The following KCNAB1 variants were observed in gnomAD, a reference collection of about 807,000 sequenced individuals.
KCNAB1 encodes the protein potassium voltage-gated channel subfamily A regulatory beta subunit 1, also known as voltage-gated potassium channel subunit beta-1.
Under a neutral mutation model 64.6 loss-of-function variants are expected in KCNAB1, and 35 were observed. The observed-to-expected ratio is 0.54, with a 90% CI of 0.41 to 0.72. The LOEUF (loss-of-function observed/expected upper bound fraction) is 0.72, where lower values mean the gene tolerates loss of function less well. Ranked by LOEUF, KCNAB1 falls within the 30% of genes least tolerant of loss-of-function variation. The pLI, the probability that KCNAB1 is intolerant of heterozygous loss-of-function variation, is 0.00. For synonymous variants in KCNAB1, 177 were observed against 183.8 expected, an observed-to-expected ratio of 0.96 and a Z score of 0.30; for missense variants, 401 against 512.9, an observed-to-expected ratio of 0.78 and a Z score of 2.11.
intron 1 of KCNAB1, chr3:156,292,036 C>A (rs908792679): frequency 5.6e-6 from 9 of 1,614,112 alleles, no homozygotes; most frequent in Middle Eastern, 1.6e-4. Context: ...TCCGCACGGT[C>A]GCTATCATCG....
rs563115171 is a variant in KCNAB1, at chr3:156,221,701, C to G, written c.275+100815C>G. ...GCTGAGGTGGGAGAATTGCTTGAAT[C>G]TGGGAGGCAGAGGTTGCAGTGAGCT... On this transcript the variant is annotated intron_variant, in intron 1 of 13. Coordinates refer to ENST00000490337, the MANE Select transcript of KCNAB1 (RefSeq NM_172160.3). Among the ~76,000 whole-genome samples the G allele has an allele frequency of 2.1e-3, 320 of 151,912 alleles. 2 individuals carry two copies. Among genetic ancestry groups the G allele is most frequent in the African/African-American group, 7.3e-3 (302 of 41,394 alleles).
chr3:156,263,230 G>T (rs549459332), intron 1 of KCNAB1, among the ~76,000 whole-genome samples: 2 of 151,948 alleles, frequency 1.3e-5, no homozygotes, highest in Admixed American at 1.3e-4. Context: ...TGACAGCTTA[G>T]GTTATTGATT....
At chr3:156,514,107 G>A (rs1469055386) in intron 8 of KCNAB1, among the ~76,000 whole-genome samples, 2 of 152,162 alleles carry the variant, frequency 1.3e-5, no homozygotes, top group African/African-American at 4.8e-5. Context: ...ACTTAAAATG[G>A]TCATTATATT....
At chr3:156,261,937 C>G (rs184190650) in intron 1 of KCNAB1, among the ~76,000 whole-genome samples, 8 of 151,790 alleles carry the variant, frequency 5.3e-5, no homozygotes, top group Admixed American at 5.2e-4. Context: ...ATTTGTACTT[C>G]TTTTTAAAAA....
chr3:156,436,866 G>A (rs962982251), intron 2 of KCNAB1, among the ~76,000 whole-genome samples: 1 of 152,124 alleles, frequency 6.6e-6, no homozygotes, highest in Non-Finnish European at 1.5e-5. Flanking sequence ...TGTTCTGTAG[G>A]TTGTCTGTTC....
intron 2 of KCNAB1, among the ~76,000 whole-genome samples, chr3:156,447,800 C>A (rs1197827429): frequency 1.3e-5 from 2 of 152,132 alleles, no homozygotes; most frequent in African/African-American, 4.8e-5. Flanking sequence ...CCAAAAAGAT[C>A]TATTGTATTA....
At chr3:156,529,841 C>T (rs1718574221) in intron 12 of KCNAB1, among the ~76,000 whole-genome samples, 1 of 152,154 alleles carries the variant, frequency 6.6e-6, no homozygotes, top group South Asian at 2.1e-4. Context: ...GAAGGCCAGG[C>T]ATTATAGCAA....
intron 2 of KCNAB1, among the ~76,000 whole-genome samples, chr3:156,448,342 A>G (rs1711738299): frequency 6.6e-6 from 1 of 152,244 alleles, no homozygotes; most frequent in African/African-American, 2.4e-5. Flanking sequence ...ATGGTTAAGA[A>G]AACTGTCACA....
intron 1 of KCNAB1, among the ~76,000 whole-genome samples, chr3:156,365,402 T>G (rs1725885798): frequency 6.6e-6 from 1 of 152,212 alleles, no homozygotes; most frequent in African/African-American, 2.4e-5. Flanking sequence ...CTCATCTTCC[T>G]CTTGACTAAG....
chr3:156,536,199 CCAAA>C (rs1283259385), intron 13 of KCNAB1, among the ~76,000 whole-genome samples: 8 of 152,154 alleles, frequency 5.3e-5, no homozygotes, highest in South Asian at 2.1e-4. Context: ...GATGGTGAGT[CCAAA>C]CAGAGATGTG....
intron 1 of KCNAB1, among the ~76,000 whole-genome samples, chr3:156,208,174 A>G (rs772378428): frequency 3.9e-5 from 6 of 152,148 alleles, no homozygotes; most frequent in Admixed American, 3.3e-4. Flanking sequence ...AAGTTTGGGA[A>G]CTTCCTGCAT....
At chr3:156,334,578 T>G (rs1340119579) in intron 1 of KCNAB1, among the ~76,000 whole-genome samples, 1 of 152,224 alleles carries the variant, frequency 6.6e-6, no homozygotes, top group African/African-American at 2.4e-5. Flanking sequence ...GTGATTGTTA[T>G]GAGTTAAATG....
At chr3:156,363,004 G>A (rs1725710672) in intron 1 of KCNAB1, among the ~76,000 whole-genome samples, 1 of 152,220 alleles carries the variant, frequency 6.6e-6, no homozygotes, top group South Asian at 2.1e-4. Context: ...GCTGCCTCCA[G>A]AGCTGCCACA....
chr3:156,387,008 C>CTG (rs1380416572), intron 1 of KCNAB1, among the ~76,000 whole-genome samples: 20 of 91,312 alleles, frequency 2.2e-4, no homozygotes, highest in African/African-American at 1.4e-3. Flanking sequence ...CTTGCTTTCT[C>CTG]TCTCTCTTTT....
chr3:156,338,964 A>T (rs551081419), intron 1 of KCNAB1, among the ~76,000 whole-genome samples: 1 of 152,196 alleles, frequency 6.6e-6, no homozygotes, highest in Non-Finnish European at 1.5e-5. Context: ...CTGCTAACAC[A>T]TATCTTTAGA....
In KCNAB1 at chr3:156,452,337, G is replaced by C. The variant is rs575951360; in HGVS notation, c.320-562G>C. ...GCTGTCTCCACTCTCACCCAAACCA[G>C]TGGAGATTTCCATTCTGGAATGGCA... On this transcript the variant is annotated intron_variant, in intron 2 of 13. Transcript: ENST00000490337. This position sits in a 1 kb window ranked among gnomAD's most constrained non-coding sequence, Gnocchi z 4.6. Among the ~76,000 whole-genome samples the C allele has an allele frequency of 6.6e-6, 1 of 152,340 alleles. No individual in the cohort carries two copies. Among genetic ancestry groups the C allele is most frequent in the South Asian group, 2.1e-4 (1 of 4,824 alleles).
intron 2 of KCNAB1, among the ~76,000 whole-genome samples, chr3:156,437,601 G>A (rs537657242): frequency 6.6e-6 from 1 of 152,230 alleles, no homozygotes; most frequent in Non-Finnish European, 1.5e-5. Flanking sequence ...CCCAGAAAAC[G>A]AGACTGCTGA....
intron 1 of KCNAB1, among the ~76,000 whole-genome samples, chr3:156,233,719 A>G (rs1716675153): frequency 6.6e-6 from 1 of 152,038 alleles, no homozygotes; most frequent in Non-Finnish European, 1.5e-5. Flanking sequence ...TAGTGGAGAC[A>G]GTGAGGAGTG....
chr3:156,370,539 T>C (rs1165770490), intron 1 of KCNAB1, among the ~76,000 whole-genome samples: 1 of 152,234 alleles, frequency 6.6e-6, no homozygotes, highest in Non-Finnish European at 1.5e-5. Context: ...AGGGTTCTGA[T>C]GTGGCATTTG....
Sources: allele counts gnomAD v4.1 joint callset (sites outside exome capture counted in the v4.1 genomes callset), GRCh38; gene constraint gnomAD v4.1.1; non-coding constraint Gnocchi (gnomAD v3.1); transcripts MANE v1.5; gene names NCBI Gene and HGNC (gene_info 2026-07-23, HGNC 2026-07-21).